Variants in MAP2K5 observed in about 807,000 individuals in gnomAD.
MAP2K5 encodes mitogen-activated protein kinase kinase 5.
Under a neutral mutation model 83.1 loss-of-function variants are expected in MAP2K5, and 49 were observed. The observed-to-expected ratio is 0.59, with a 90% CI of 0.47 to 0.75. The LOEUF (loss-of-function observed/expected upper bound fraction) is 0.75. Among genes scored for constraint, MAP2K5 ranks in the 30% least tolerant of loss-of-function variants. The probability of loss-of-function intolerance (pLI) is 0.00; values close to 1 mark genes in which losing one functional copy is unlikely to be tolerated. For synonymous variants in MAP2K5, 202 were observed against 191.8 expected (o/e 1.05, Z -0.44); for missense variants, 457 against 557.5 (o/e 0.82, Z 1.82).
rs2088859440 is a variant in MAP2K5 at position 67,717,651 on chromosome 15, A to G, written c.1045-10265A>G. Reference sequence around the variant, plus strand: ...AATCCTAGCAAGGCCCAGCCATTCTATGTAGCATCAAAAGCCTCTCATGAG... The same window carrying G: ...AATCCTAGCAAGGCCCAGCCATTCTGTGTAGCATCAAAAGCCTCTCATGAG... On this transcript the variant is annotated intron_variant, in intron 16 of 21. Transcript: ENST00000178640. The surrounding 1 kb of genome is among the most constrained non-coding windows in gnomAD (Gnocchi z 4.1). Among the ~76,000 whole-genome samples the G allele has an allele frequency of 1.3e-5, 2 of 152,186 alleles. No individual in the cohort carries two copies. Among genetic ancestry groups the G allele is most frequent in the African/African-American group, 4.8e-5 (2 of 41,444 alleles).
Position 67,702,510 on chromosome 15 carries a change from C to T in MAP2K5, c.973-827C>T, listed in dbSNP as rs1192436797. Among the ~76,000 whole-genome samples, 3 of 152,154 alleles carry T rather than the reference C, an allele frequency of 2.0e-5. No homozygotes were observed. Among genetic ancestry groups the T allele is most frequent in the African/African-American group, 4.8e-5 (2 of 41,434 alleles). On this transcript the variant is annotated intron_variant, in intron 15 of 21. Transcript: ENST00000178640. The surrounding 1 kb of genome is among the most constrained non-coding windows in gnomAD (Gnocchi z 4.6). ...AATCATTCCACCTTTGTGAGACCTC[C>T]GTTTCTCTTATTCATTTGTTCACGT...
In MAP2K5 at chr15:67,542,925, G is replaced by A; in HGVS notation, c.-411G>A. The A allele has an allele frequency of 5.1e-6, 1 of 197,636 alleles. No individual in the cohort carries two copies. Among genetic ancestry groups the A allele is most frequent in the Non-Finnish European group, 1.1e-5 (1 of 95,128 alleles). The allele number at this position is 197,636 out of a possible 1,614,324, so 12.2% of individuals were successfully genotyped here. A position where few individuals can be genotyped will look rare whatever the true frequency, so the allele number is the denominator to read the frequency against. On this transcript the variant is annotated 5_prime_UTR_variant, in exon 1 of 22. Transcript: ENST00000178640. ...CCCGGACTGAGTCCCCTCCAGTCGA[G>A]GACCCTCTCCTAGTCCACTGACGAG...
At chr15:67,658,930 T>A (rs2087161959) in intron 12 of MAP2K5, 1 of 435,270 alleles carries the variant, frequency 2.3e-6, no homozygotes, top group Admixed American at 2.8e-5. Flanking sequence ...TTACATTTTG[T>A]AGTTATGATT....
intron 17 of MAP2K5, among the ~76,000 whole-genome samples, chr15:67,731,356 C>T: frequency 6.6e-6 from 1 of 152,126 alleles, no homozygotes; most frequent in Non-Finnish European, 1.5e-5. Flanking sequence ...CTGGGAGCAA[C>T]ATAAAGGTTA....
At chr15:67,661,464 G>A (rs563016222) in intron 12 of MAP2K5, among the ~76,000 whole-genome samples, 10 of 152,214 alleles carry the variant, frequency 6.6e-5, no homozygotes, top group Middle Eastern at 3.4e-3. Flanking sequence ...TCAAGTCATC[G>A]TTGTGAAACC....
At chr15:67,604,533 C>T (rs777969931) in intron 8 of MAP2K5, among the ~76,000 whole-genome samples, 1 of 152,164 alleles carries the variant, frequency 6.6e-6, no homozygotes, top group African/African-American at 2.4e-5. Flanking sequence ...TAATTAGCTA[C>T]GTAACCTTTG....
rs146880570 is a variant in MAP2K5, at chr15:67,743,371, C to T, written c.1075-4860C>T. Among the ~76,000 whole-genome samples, 34 of 152,286 alleles carry T rather than the reference C, an allele frequency of 2.2e-4. No homozygotes were observed. In the East Asian group the frequency reaches 6.6e-3, roughly 29 times the overall value. On this transcript the variant is annotated intron_variant, in intron 17 of 21. Transcript: ENST00000178640. Reference sequence around the variant, plus strand: ...GACATGATAAGAACTTGAGCAAGGACAGAGGCTGATGAACAGGGGAGATAG... The same window carrying T: ...GACATGATAAGAACTTGAGCAAGGATAGAGGCTGATGAACAGGGGAGATAG...
intron 12 of MAP2K5, among the ~76,000 whole-genome samples, chr15:67,660,293 G>A (rs1418648277): frequency 6.8e-6 from 1 of 147,990 alleles, no homozygotes; most frequent in Non-Finnish European, 1.5e-5. Context: ...TGTTTTTTTT[G>A]TATGTTTCCT....
intron 8 of MAP2K5, among the ~76,000 whole-genome samples, chr15:67,624,774 C>T (rs1161214128): frequency 2.3e-5 from 3 of 132,958 alleles, no homozygotes; most frequent in Non-Finnish European, 3.3e-5. Flanking sequence ...GGATTACAGG[C>T]ATCCGCCACC....
At chr15:67,566,183 T>C (rs1207725920) in intron 3 of MAP2K5, among the ~76,000 whole-genome samples, 1 of 152,124 alleles carries the variant, frequency 6.6e-6, no homozygotes, top group Admixed American at 6.5e-5. Flanking sequence ...TTTGGTCTTG[T>C]TTTGTTTTTG....
rs570976510 is a variant in MAP2K5, at chr15:67,745,064, G to C, written c.1075-3167G>C. Among the ~76,000 whole-genome samples, 20 of 152,248 alleles carry C rather than the reference G, an allele frequency of 1.3e-4. 2 individuals carry two copies. The highest frequency in any genetic ancestry group is 1.1e-3 in the Admixed American group (17 of 15,292). On this transcript the variant is annotated intron_variant, in intron 17 of 21. Transcript: ENST00000178640. ...AAATCTATGCCCAGAAAAGGGAAGA[G>C]GTTCATCTATCAAAATGCAACTAGT...
At position 67,659,532 on chromosome 15, in the gene MAP2K5, A is replaced by G. The variant is rs143801330; in HGVS notation, c.798+918A>G. ...GATGAGAACTTTCTTTTCTGATGCT[A>G]TTGCTCCTAAGTAGCTTCTCATCTA... On this transcript the variant is annotated intron_variant, in intron 12 of 21. Transcript: ENST00000178640. 3.0e-4 allele frequency among the ~76,000 whole-genome samples: 45 copies of G among 152,200 alleles called. No individual in the cohort carries two copies. The East Asian group carries it at 4.8e-3, about 16-fold the overall frequency.
At chr15:67,591,743 G>T (rs951148616) in intron 6 of MAP2K5, among the ~76,000 whole-genome samples, 27 of 152,100 alleles carry the variant, frequency 1.8e-4, no homozygotes, top group Admixed American at 1.7e-3. Flanking sequence ...TACTAGTCAG[G>T]TAGATATTCA....
rs1378677825 is a variant in MAP2K5, at chr15:67,555,942, C to T, written c.184+5860C>T. On this transcript the variant is annotated intron_variant, in intron 2 of 21. Coordinates refer to ENST00000178640, the MANE Select transcript of MAP2K5 (RefSeq NM_145160.3). The surrounding 1 kb of genome is among the most constrained non-coding windows in gnomAD (Gnocchi z 5.2). Reference sequence around the variant, plus strand: ...AGGACTACAGGCATGCGCCACCACACCCGGCTAATTTTTTTGTATTTTTAG... The same window carrying T: ...AGGACTACAGGCATGCGCCACCACATCCGGCTAATTTTTTTGTATTTTTAG... Among the ~76,000 whole-genome samples the T allele has an allele frequency of 6.6e-6, 1 of 152,022 alleles. No individual in the cohort carries two copies. Among genetic ancestry groups the T allele is most frequent in the African/African-American group, 2.4e-5 (1 of 41,378 alleles).
At position 67,561,285 on chromosome 15, in the gene MAP2K5, T is replaced by A. The variant is rs2140962362; in HGVS notation, c.185-1998T>A. ...TGTTTTTTCCTGTCTCCTGCATTTTTAAGAAAACTTTCGCCTTAACCTTGA... is the reference window on the plus strand; with the variant it reads ...TGTTTTTTCCTGTCTCCTGCATTTTAAAGAAAACTTTCGCCTTAACCTTGA... On this transcript the variant is annotated intron_variant, in intron 2 of 21. Transcript: ENST00000178640. The surrounding 1 kb of genome is among the most constrained non-coding windows in gnomAD (Gnocchi z 4.2). 6.6e-6 allele frequency among the ~76,000 whole-genome samples: 1 copy of A among 152,330 alleles called. No homozygotes were observed. The highest frequency in any genetic ancestry group is 1.5e-5 in the Non-Finnish European group (1 of 68,020).
chr15:67,569,910 C>A (rs752203491), intron 3 of MAP2K5, among the ~76,000 whole-genome samples: 3 of 152,138 alleles, frequency 2.0e-5, no homozygotes, highest in Non-Finnish European at 4.4e-5. Context: ...GCCTGATAGT[C>A]CTGTTTTATT....
chr15:67,749,153 C>T lies in MAP2K5; in HGVS notation c.1134+552C>T, dbSNP rs530947027. 6.6e-6 allele frequency among the ~76,000 whole-genome samples: 1 copy of T among 152,286 alleles called. No individual in the cohort carries two copies. Among genetic ancestry groups the T allele is most frequent in the East Asian group, 1.9e-4 (1 of 5,190 alleles). On this transcript the variant is annotated intron_variant, in intron 19 of 21. Coordinates refer to ENST00000178640, the MANE Select transcript of MAP2K5 (RefSeq NM_145160.3). The surrounding 1 kb of genome is among the most constrained non-coding windows in gnomAD (Gnocchi z 4.6). Reference sequence around the variant, plus strand: ...ATTCTAGTAGCTGGAAACCTGTATTCTCACATTTTAATTGAGCTTACTTCT... The same window carrying T: ...ATTCTAGTAGCTGGAAACCTGTATTTTCACATTTTAATTGAGCTTACTTCT...
intron 19 of MAP2K5, among the ~76,000 whole-genome samples, chr15:67,766,631 G>T (rs1307322461): frequency 6.6e-6 from 1 of 152,190 alleles, no homozygotes; most frequent in East Asian, 1.9e-4. Context: ...CCTCCTCACA[G>T]ATTTGAATTA....
At chr15:67,635,791 T>C (rs904277619) in intron 9 of MAP2K5, among the ~76,000 whole-genome samples, 1 of 152,206 alleles carries the variant, frequency 6.6e-6, no homozygotes, top group African/African-American at 2.4e-5. Context: ...TTTGTTTCAC[T>C]GTTTTCTTTC....
Sources: allele counts gnomAD v4.1 joint callset (sites outside exome capture counted in the v4.1 genomes callset), GRCh38; gene constraint gnomAD v4.1.1; non-coding constraint Gnocchi (gnomAD v3.1); transcripts MANE v1.5; gene names NCBI Gene and HGNC (gene_info 2026-07-23, HGNC 2026-07-21).